Variants in BACH2 observed in about 807,000 individuals in gnomAD.
The protein encoded by BACH2 is transcription regulator protein BACH2.
BACH2 carries 5 observed loss-of-function variants against 61.8 expected under a neutral mutation model. The observed-to-expected ratio is 0.08, with a 90% CI of 0.04 to 0.17. BACH2 has a LOEUF of 0.17. Ranked by LOEUF, BACH2 falls within the 10% of genes least tolerant of loss-of-function variation. The probability of loss-of-function intolerance (pLI) is 1.00; values close to 1 mark genes in which losing one functional copy is unlikely to be tolerated. For missense variants in BACH2, 824 were observed against 1,091.1 expected, an observed-to-expected ratio of 0.76 and a Z score of 3.45; for synonymous variants, 446 against 440.1, an observed-to-expected ratio of 1.01 and a Z score of -0.17.
intron 4 of BACH2, among the ~76,000 whole-genome samples, chr6:90,149,872 G>A (rs1335978954): frequency 6.6e-6 from 1 of 152,158 alleles, no homozygotes; most frequent in Non-Finnish European, 1.5e-5. Flanking sequence ...CTATCATTTA[G>A]GGAGGAGCAT....
rs539164753 is a variant in BACH2 at position 90,296,840 on chromosome 6, G to C, written c.-806C>G. 1.8e-5 allele frequency: 3 copies of C among 171,124 alleles called. No homozygotes were observed. The highest frequency in any genetic ancestry group is 7.2e-5 in the African/African-American group (3 of 41,596). 10.6% of individuals were successfully genotyped at this position (171,124 alleles called of 1,614,324 possible). A position where few individuals can be genotyped will look rare whatever the true frequency, so the allele number is the denominator to read the frequency against. On this transcript the variant is annotated 5_prime_UTR_variant, in exon 1 of 9. Transcript: ENST00000257749. ...GCTGAGGCGGCGGCGGCTCGGCGCT[G>C]TTTGCTCCGCGCCGCGCGGCTTGCG...
intron 5 of BACH2, among the ~76,000 whole-genome samples, chr6:90,068,442 G>T (rs1781066076): frequency 6.6e-6 from 1 of 152,126 alleles, no homozygotes; most frequent in African/African-American, 2.4e-5. Context: ...CTTCTCATGT[G>T]AATGTCAGGA....
chr6:90,203,738 G>C lies in BACH2; in HGVS notation c.-162+2831C>G, dbSNP rs186520199. On this transcript the variant is annotated intron_variant, in intron 4 of 8. Coordinates refer to ENST00000257749, the MANE Select transcript of BACH2 (RefSeq NM_021813.4). ...TACACTAACATATTCCCTGTAGACTGGCCTCAGGGATGACAGCAGATTCTT... is the reference window on the plus strand; with the variant it reads ...TACACTAACATATTCCCTGTAGACTCGCCTCAGGGATGACAGCAGATTCTT... Among the ~76,000 whole-genome samples, 21 of 152,244 alleles carry C rather than the reference G, an allele frequency of 1.4e-4. No individual in the cohort carries two copies. The East Asian group carries it at 2.3e-3, about 17-fold the overall frequency.
intron 6 of BACH2, among the ~76,000 whole-genome samples, chr6:89,971,703 A>T (rs975999132): frequency 6.6e-6 from 1 of 152,182 alleles, no homozygotes; most frequent in Non-Finnish European, 1.5e-5. Context: ...GGAAGAGCAA[A>T]GGGACATCTT....
At chr6:90,100,374 A>G (rs1202987859) in intron 4 of BACH2, among the ~76,000 whole-genome samples, 1 of 152,212 alleles carries the variant, frequency 6.6e-6, no homozygotes, top group African/African-American at 2.4e-5. Flanking sequence ...TTGTGGTCAA[A>G]CATGTTTGGG....
chr6:90,050,264 T>A (rs930554584), intron 5 of BACH2, among the ~76,000 whole-genome samples: 5 of 152,204 alleles, frequency 3.3e-5, no homozygotes, highest in Non-Finnish European at 7.3e-5. Context: ...AGATTTGATG[T>A]GCAAGGCAGA....
chr6:90,183,461 T>G (rs933345546), intron 4 of BACH2, among the ~76,000 whole-genome samples: 1 of 152,250 alleles, frequency 6.6e-6, no homozygotes, highest in Non-Finnish European at 1.5e-5. Context: ...TATTCCCTTA[T>G]GATCTAGCAT....
At chr6:90,222,184 G>A (rs1402102922) in intron 3 of BACH2, among the ~76,000 whole-genome samples, 1 of 152,184 alleles carries the variant, frequency 6.6e-6, no homozygotes, top group Non-Finnish European at 1.5e-5. Flanking sequence ...CATTTTAAGA[G>A]CTCAACAGCC....
chr6:89,952,939 C>A (rs934550307), intron 6 of BACH2: 1 of 152,220 alleles, frequency 6.6e-6, no homozygotes, highest in Non-Finnish European at 1.5e-5. Context: ...CATAAAACCA[C>A]ACATCCTCTA....
chr6:90,040,872 A>AG (rs1779500961), intron 5 of BACH2, among the ~76,000 whole-genome samples: 2 of 152,156 alleles, frequency 1.3e-5, no homozygotes, highest in Non-Finnish European at 2.9e-5. Flanking sequence ...TCTTCTAATC[A>AG]GCTGTTGATC....
intron 7 of BACH2, among the ~76,000 whole-genome samples, chr6:89,947,042 G>C (rs550300918): frequency 6.6e-6 from 1 of 152,278 alleles, no homozygotes; most frequent in African/African-American, 2.4e-5. Flanking sequence ...GGCTCCCTAC[G>C]GGGTGGAGGA....
chr6:90,100,049 G>A (rs533142688), intron 4 of BACH2, among the ~76,000 whole-genome samples: 116 of 152,000 alleles, frequency 7.6e-4, no homozygotes, highest in Non-Finnish European at 8.5e-4. Flanking sequence ...TTTGTGTCTA[G>A]CTTCTTTCAC....
intron 6 of BACH2, among the ~76,000 whole-genome samples, chr6:89,974,768 C>T (rs1775561397): frequency 6.6e-6 from 1 of 152,196 alleles, no homozygotes; most frequent in African/African-American, 2.4e-5. Flanking sequence ...TTGTTTACAA[C>T]CGTCCCTTAA....
intron 3 of BACH2, among the ~76,000 whole-genome samples, chr6:90,249,561 A>G (rs1486234085): frequency 6.6e-6 from 1 of 152,180 alleles, no homozygotes; most frequent in East Asian, 1.9e-4. Context: ...ACTCGAGTCC[A>G]GGAGTTCGAG....
At chr6:90,136,790 C>A (rs1784284293) in intron 4 of BACH2, among the ~76,000 whole-genome samples, 1 of 151,100 alleles carries the variant, frequency 6.6e-6, no homozygotes, top group African/African-American at 2.4e-5. Flanking sequence ...GTGAACATAA[C>A]AGCCAGGCCC....
At chr6:90,042,952 C>A (rs1456071169) in intron 5 of BACH2, among the ~76,000 whole-genome samples, 1 of 152,088 alleles carries the variant, frequency 6.6e-6, no homozygotes, top group African/African-American at 2.4e-5. Flanking sequence ...GAGTGGCAAC[C>A]ACGGCCTGAT....
At chr6:90,248,580 T>A (rs1165549869) in intron 3 of BACH2, among the ~76,000 whole-genome samples, 2 of 152,152 alleles carry the variant, frequency 1.3e-5, no homozygotes, top group Non-Finnish European at 2.9e-5. Context: ...GAGGATGTGA[T>A]GTTAAAATGC....
intron 6 of BACH2, among the ~76,000 whole-genome samples, chr6:89,956,243 T>C (rs1273448237): frequency 6.6e-6 from 1 of 152,206 alleles, no homozygotes; most frequent in Admixed American, 6.5e-5. Flanking sequence ...CTCATTCTGA[T>C]ACAGATGAGA....
At position 90,089,280 on chromosome 6, in the gene BACH2, C is replaced by T. The variant is rs138499295; in HGVS notation, c.-161-171G>A. Reference sequence around the variant, plus strand: ...CAATCCTCATGAACAGAATAAGACACCATAGCCCGTGGTAGAAACGCCTGG... The same window carrying T: ...CAATCCTCATGAACAGAATAAGACATCATAGCCCGTGGTAGAAACGCCTGG... On this transcript the variant is annotated intron_variant, in intron 4 of 8. Coordinates refer to ENST00000257749, the MANE Select transcript of BACH2 (RefSeq NM_021813.4). 3.7e-3 allele frequency among the ~76,000 whole-genome samples: 568 copies of T among 152,134 alleles called. 2 individuals carry two copies. The highest frequency in any genetic ancestry group is 6.2e-3 in the Non-Finnish European group (423 of 67,978).
Sources: gnomAD v4.1 joint callset for allele counts (sites outside exome capture counted in the v4.1 genomes callset) on GRCh38, gnomAD v4.1.1 for gene constraint, MANE v1.5 for transcripts, NCBI Gene and HGNC (gene_info 2026-07-23, HGNC 2026-07-21) for gene names.